DOCK8: variants seen among roughly 807,000 people sequenced by gnomAD.
DOCK8 encodes dedicator of cytokinesis protein 8.
DOCK8 carries 141 observed loss-of-function variants against 245.6 expected under a neutral mutation model. That is an observed-to-expected ratio of 0.57 (90% CI 0.50 to 0.66). The LOEUF (loss-of-function observed/expected upper bound fraction) is 0.66. DOCK8 is among the 30% of genes least tolerant of loss of function. The pLI is 0.00. For missense variants in DOCK8, 2,965 were observed against 2,603.4 expected, an observed-to-expected ratio of 1.14 and a Z score of -3.02; for synonymous variants, 1,168 against 970.2, an observed-to-expected ratio of 1.20 and a Z score of -3.79.
At chr9:245,509 A>G (rs191680405) in intron 1 of DOCK8, among the ~76,000 whole-genome samples, 1 of 152,076 alleles carries the variant, frequency 6.6e-6, no homozygotes, top group African/African-American at 2.4e-5. Context: ...TGCCCGGCCA[A>G]TAGTTTCTTT....
At chr9:372,341 C>G in intron 18 of DOCK8, 55 bp downstream of exon 18, 3 of 1,365,156 alleles carry the variant, frequency 2.2e-6, no homozygotes, top group South Asian at 1.2e-5. Flanking sequence ...TCTTGGACCA[C>G]CTTCCCAGAC....
intron 31 of DOCK8, 106 bp from the exon 32 acceptor site, chr9:420,843 A>C (rs867465241): frequency 1.3e-6 from 2 of 1,481,676 alleles, no homozygotes; most frequent in Non-Finnish European, 9.4e-7. Flanking sequence ...AGTGAAGCAC[A>C]TGTCAAACTT....
At chr9:382,391 C>G in intron 21 of DOCK8, 122 bp from the exon 22 acceptor site, 1 of 1,396,540 alleles carries the variant, frequency 7.2e-7, no homozygotes, top group Non-Finnish European at 1.0e-6. Context: ...TAAGAAGTCT[C>G]TAATTCCAAG....
intron 26 of DOCK8, among the ~76,000 whole-genome samples, chr9:401,091 C>CCAT (rs1218886011): frequency 2.7e-5 from 3 of 112,916 alleles, no homozygotes; most frequent in Non-Finnish European, 3.0e-5. Context: ...ACCACCTCCA[C>CCAT]CACCATCACC....
intron 4 of DOCK8, among the ~76,000 whole-genome samples, chr9:292,069 C>CAAA (rs139396600): frequency 0.45 from 23,635 of 52,412 alleles, 6,718 homozygotes; most frequent in East Asian, 0.66. Flanking sequence ...GACCCTATCT[C>CAAA]AAAAAAAAAA....
chr9:432,525 G>A (rs2056756366), intron 37 of DOCK8, among the ~76,000 whole-genome samples: 1 of 152,128 alleles, frequency 6.6e-6, no homozygotes, highest in African/African-American at 2.4e-5. Context: ...GTCTCAATAT[G>A]CTAACAGTCT....
chr9:409,405 C>T (rs889839424), intron 28 of DOCK8, among the ~76,000 whole-genome samples: 9 of 152,244 alleles, frequency 5.9e-5, no homozygotes, highest in African/African-American at 1.9e-4. Context: ...AGACTAAGAA[C>T]AAGAAAAACT....
chr9:368,061 A>C lies in DOCK8; in HGVS notation c.1723A>C (p.Lys575Gln). The change falls in exon 15 of 48, where the codon AAA becomes CAA. Residue 575 changes from lysine (K) to glutamine (Q), a missense_variant. Coordinates refer to ENST00000432829, the MANE Select transcript of DOCK8 (RefSeq NM_203447.4). ...CCCACAGAGGCTGAACTTTGTAAAC[A>C]AACTAGCATCAGCCCGGAACATTAC... is the stretch of plus-strand genomic sequence containing the variant. ...VYPQRLNFVN[K>Q]LASARNITIK... 1 of 1,614,216 alleles carries C rather than the reference A, an allele frequency of 6.2e-7. No individual in the cohort carries two copies. The highest frequency in any genetic ancestry group is 2.2e-5 in the East Asian group (1 of 44,882).
At chr9:285,383 C>A (rs997120456) in intron 2 of DOCK8, among the ~76,000 whole-genome samples, 1 of 152,166 alleles carries the variant, frequency 6.6e-6, no homozygotes, top group African/African-American at 2.4e-5. Flanking sequence ...TGTCTCCCAT[C>A]AAGGCAGTGC....
intron 1 of DOCK8, among the ~76,000 whole-genome samples, chr9:267,423 C>G (rs1371468728): frequency 2.6e-5 from 4 of 152,212 alleles, no homozygotes; most frequent in African/African-American, 9.7e-5. Context: ...CCAGGCTGGT[C>G]TCAAACTCCC....
At chr9:381,565 G>A (rs2053721370) in intron 21 of DOCK8, among the ~76,000 whole-genome samples, 1 of 152,182 alleles carries the variant, frequency 6.6e-6, no homozygotes, top group South Asian at 2.1e-4. Flanking sequence ...GTGTCAGTGA[G>A]TTCACAAAAT....
chr9:349,916 A>C (rs576156834), intron 14 of DOCK8, among the ~76,000 whole-genome samples: 6 of 152,252 alleles, frequency 3.9e-5, no homozygotes, highest in East Asian at 1.9e-4. Flanking sequence ...ATTATTCTTA[A>C]TTTATACTTC....
intron 6 of DOCK8, among the ~76,000 whole-genome samples, chr9:315,587 A>G: frequency 6.6e-6 from 1 of 152,308 alleles, no homozygotes; most frequent in East Asian, 1.9e-4. Flanking sequence ...TCTTTTAAAG[A>G]TATGTACTGA....
At chr9:445,821 C>T (rs7867045) in intron 43 of DOCK8, among the ~76,000 whole-genome samples, 89,595 of 152,008 alleles carry the variant, frequency 0.59, 29,415 homozygotes, top group East Asian at 0.98. Context: ...CTCCTGTACA[C>T]ACATAGGAGT....
chr9:312,200 A>C, intron 6 of DOCK8, 34 bp downstream of exon 6: 7 of 1,607,406 alleles, frequency 4.4e-6, no homozygotes, highest in African/African-American at 1.3e-5. Flanking sequence ...GGAGAATCTC[A>C]GTGAAGACTC....
chr9:290,253 C>A (rs1015377018), intron 4 of DOCK8, among the ~76,000 whole-genome samples: 1 of 151,856 alleles, frequency 6.6e-6, no homozygotes, highest in South Asian at 2.1e-4. Flanking sequence ...CATAAACTTT[C>A]TTAAAACATT....
At chr9:277,472 AAGAG>A (rs1563865267) in intron 2 of DOCK8, among the ~76,000 whole-genome samples, 28 of 124,886 alleles carry the variant, frequency 2.2e-4, no homozygotes, top group African/African-American at 1.0e-3. Context: ...AAGAGAAGAG[AAGAG>A]AAGAGAAGAG....
At chr9:261,007 C>A (rs1481717006) in intron 1 of DOCK8, among the ~76,000 whole-genome samples, 1 of 151,890 alleles carries the variant, frequency 6.6e-6, no homozygotes, top group African/African-American at 2.4e-5. Context: ...GAAATTATTA[C>A]CCCGGGAGGC....
At chr9:352,150 A>G (rs1331897522) in intron 14 of DOCK8, among the ~76,000 whole-genome samples, 1 of 152,168 alleles carries the variant, frequency 6.6e-6, no homozygotes, top group African/African-American at 2.4e-5. Flanking sequence ...AGCTGCTGAC[A>G]CACAGCTCTA....
Sources: allele counts gnomAD v4.1 joint callset (sites outside exome capture counted in the v4.1 genomes callset), GRCh38; gene constraint gnomAD v4.1.1; transcripts MANE v1.5; gene names NCBI Gene and HGNC (gene_info 2026-07-23, HGNC 2026-07-21).